Variants in DMD observed in about 807,000 individuals in gnomAD.
The protein encoded by DMD is dystrophin, also known as mutant dystrophin.
Under a neutral mutation model 330.1 loss-of-function variants are expected in DMD, and 63 were observed. The ratio of observed to expected loss-of-function variants is 0.19; its 90% CI spans 0.16 to 0.24. The LOEUF is 0.24. Ranked by LOEUF, DMD falls within the 10% of genes least tolerant of loss-of-function variation. The pLI, the probability that DMD is intolerant of heterozygous loss-of-function variation, is 1.00. For synonymous variants in DMD, 1,223 were observed against 959.8 expected, an observed-to-expected ratio of 1.27 and a Z score of -5.07; for missense variants, 3,344 against 2,684.1, an observed-to-expected ratio of 1.25 and a Z score of -5.43.
chrX:32,800,762 G>A (rs773112840), intron 7 of DMD, among the ~76,000 whole-genome samples: 2 of 110,102 alleles, frequency 1.8e-5, no homozygotes, highest in Non-Finnish European at 3.8e-5. Context: ...ATGTCTTCTG[G>A]TTGTTCAACT....
At chrX:31,769,907 G>T (rs1225726591) in intron 51 of DMD, among the ~76,000 whole-genome samples, 1 of 111,506 alleles carries the variant, frequency 9.0e-6, no homozygotes, top group Non-Finnish European at 1.9e-5. Flanking sequence ...CTAATTTTGA[G>T]ACTTTGGGAG....
At chrX:32,527,699 G>A (rs1458613540) in intron 17 of DMD, among the ~76,000 whole-genome samples, 2 of 111,241 alleles carry the variant, frequency 1.8e-5, no homozygotes, top group East Asian at 2.8e-4. Context: ...AATATTTTTA[G>A]GACTTTGAGA....
chrX:32,383,878 G>A (rs1237795731), intron 33 of DMD, among the ~76,000 whole-genome samples: 4 of 109,008 alleles, frequency 3.7e-5, no homozygotes, highest in Admixed American at 3.0e-4. Context: ...GTTATTTTAT[G>A]TTAAATTTAC....
At chrX:31,436,063 G>A (rs956341976) in intron 60 of DMD, among the ~76,000 whole-genome samples, 1 of 111,576 alleles carries the variant, frequency 9.0e-6, no homozygotes, top group African/African-American at 3.3e-5. Context: ...AGGAACTAGA[G>A]GTCTCAGGAA....
At chrX:32,130,968 T>C (rs767656130) in intron 44 of DMD, among the ~76,000 whole-genome samples, 11 of 112,048 alleles carry the variant, frequency 9.8e-5, no homozygotes, top group Middle Eastern at 4.6e-3. Flanking sequence ...GCAGATCACC[T>C]GAGGTCAGGA....
chrX:32,838,246 A>AT (rs1308483587), intron 4 of DMD, among the ~76,000 whole-genome samples: 4 of 110,850 alleles, frequency 3.6e-5, no homozygotes, highest in African/African-American at 1.3e-4. Flanking sequence ...ATTTTGTCTG[A>AT]TTTTTCCTGT....
intron 44 of DMD, among the ~76,000 whole-genome samples, chrX:32,110,896 G>GA (rs748858907): frequency 2.0e-3 from 221 of 111,889 alleles, no homozygotes; most frequent in African/African-American, 6.7e-3. Flanking sequence ...TGCTGAAAAA[G>GA]AAAGTGAGCA....
chrX:31,589,436 G>T (rs961673799), intron 55 of DMD, among the ~76,000 whole-genome samples: 3 of 111,398 alleles, frequency 2.7e-5, no homozygotes, highest in African/African-American at 9.8e-5. Flanking sequence ...AGGAAAGCGG[G>T]TAGGGGTTAG....
chrX:33,051,113 C>T (rs762651615), intron 1 of DMD, among the ~76,000 whole-genome samples: 1 of 111,781 alleles, frequency 8.9e-6, no homozygotes, highest in Non-Finnish European at 1.9e-5. Context: ...TTTAACTGCT[C>T]ACTAATGTTT....
intron 20 of DMD, 135 bp from the exon 21 acceptor site, chrX:32,485,234 G>A: frequency 5.2e-6 from 3 of 574,270 alleles, no homozygotes; most frequent in Non-Finnish European, 8.6e-6. Context: ...AAACATCCAT[G>A]ACAGTATAGA....
chrX:32,563,963 T>A (rs2051369821), intron 16 of DMD, among the ~76,000 whole-genome samples: 1 of 111,746 alleles, frequency 8.9e-6, no homozygotes, highest in African/African-American at 3.3e-5. Flanking sequence ...ATCACCCAGG[T>A]ATTAAGCCCA....
chrX:31,179,908 G>C (rs754188290), intron 69 of DMD, among the ~76,000 whole-genome samples: 135 of 111,739 alleles, frequency 1.2e-3, no homozygotes, highest in African/African-American at 4.3e-3. Context: ...CATTTAGTAA[G>C]TGTTAGCATA....
chrX:31,732,108 T>G, intron 51 of DMD, among the ~76,000 whole-genome samples: 1 of 111,461 alleles, frequency 9.0e-6, no homozygotes, highest in Non-Finnish European at 1.9e-5. Context: ...CTGAGAAGAT[T>G]ATTAATGAGA....
intron 25 of DMD, among the ~76,000 whole-genome samples, chrX:32,462,811 T>C (rs2098388238): frequency 9.1e-6 from 1 of 110,109 alleles, no homozygotes; most frequent in Non-Finnish European, 1.9e-5. Context: ...AACAAAAAAT[T>C]AGCCAGGCAT....
chrX:31,541,007 T>C (rs1249943830), intron 55 of DMD, among the ~76,000 whole-genome samples: 1 of 111,564 alleles, frequency 9.0e-6, no homozygotes, highest in Non-Finnish European at 1.9e-5. Flanking sequence ...GATTCTGACA[T>C]AATCACTGCA....
chrX:31,978,758 C>T (rs1056053420), intron 44 of DMD, among the ~76,000 whole-genome samples: 10 of 111,553 alleles, frequency 9.0e-5, no homozygotes, highest in African/African-American at 3.3e-4. Flanking sequence ...TTTACCTCTA[C>T]TTATGTAATC....
At chrX:33,291,900 G>A (rs1187967008) in intron 1 of DMD, among the ~76,000 whole-genome samples, 1 of 111,358 alleles carries the variant, frequency 9.0e-6, no homozygotes, top group African/African-American at 3.3e-5. Flanking sequence ...ACTTGTATTA[G>A]GGAATAAGAT....
intron 55 of DMD, among the ~76,000 whole-genome samples, chrX:31,612,915 A>G (rs1323884493): frequency 8.9e-6 from 1 of 112,353 alleles, no homozygotes; most frequent in African/African-American, 3.2e-5. Flanking sequence ...TTAAAGTTTT[A>G]AAAACATCAG....
intron 1 of DMD, among the ~76,000 whole-genome samples, chrX:33,058,953 T>C (rs2094550765): frequency 8.9e-6 from 1 of 111,996 alleles, no homozygotes; most frequent in South Asian, 3.7e-4. Context: ...GAGTTTATTA[T>C]ATATTATGGA....
Sources: allele counts gnomAD v4.1 joint callset (sites outside exome capture counted in the v4.1 genomes callset), GRCh38; gene constraint gnomAD v4.1.1; transcripts MANE v1.5; gene names NCBI Gene and HGNC (gene_info 2026-07-23, HGNC 2026-07-21).